The following KIAA0825 variants were observed in gnomAD, a reference collection of about 807,000 sequenced individuals.
KIAA0825 encodes the protein uncharacterized protein KIAA0825.
Under a neutral mutation model 147.6 loss-of-function variants are expected in KIAA0825, and 119 were observed. The ratio of observed to expected loss-of-function variants is 0.81; its 90% CI spans 0.69 to 0.94. The LOEUF is 0.94. KIAA0825 is among the 40% of genes least tolerant of loss of function. The pLI is 0.00. For missense variants in KIAA0825, 1,381 were observed against 1,472.7 expected, an observed-to-expected ratio of 0.94 and a Z score of 1.02; for synonymous variants, 470 against 518.1, an observed-to-expected ratio of 0.91 and a Z score of 1.26.
intron 5 of KIAA0825, among the ~76,000 whole-genome samples, chr5:94,497,135 G>C (rs892549109): frequency 8.5e-5 from 13 of 152,140 alleles, no homozygotes; most frequent in African/African-American, 2.9e-4. Context: ...GGAAACTGAA[G>C]GTCAGAAAAA....
intron 20 of KIAA0825, among the ~76,000 whole-genome samples, chr5:94,290,066 T>G (rs1241793945): frequency 1.3e-5 from 2 of 152,036 alleles, no homozygotes; most frequent in Non-Finnish European, 2.9e-5. Context: ...ATGAACAAAT[T>G]TAATTGAATA....
intron 20 of KIAA0825, among the ~76,000 whole-genome samples, chr5:94,293,755 TG>T (rs1443868417): frequency 6.6e-6 from 1 of 152,174 alleles, no homozygotes; most frequent in Non-Finnish European, 1.5e-5. Flanking sequence ...TAAGTCTCTT[TG>T]TAGGTCTCTA....
At chr5:94,557,470 T>C (rs1776758116) in intron 2 of KIAA0825, among the ~76,000 whole-genome samples, 1 of 151,458 alleles carries the variant, frequency 6.6e-6, no homozygotes, top group Non-Finnish European at 1.5e-5. Flanking sequence ...TCCATTTCTG[T>C]GTGATGGGAT....
At chr5:94,569,858 T>C (rs985103104) in intron 2 of KIAA0825, 1 of 168,876 alleles carries the variant, frequency 5.9e-6, no homozygotes, top group African/African-American at 2.4e-5. Flanking sequence ...CTATGGCTCA[T>C]TCCTCTACCT....
intron 6 of KIAA0825, among the ~76,000 whole-genome samples, chr5:94,477,652 A>G (rs1762042498): frequency 6.6e-6 from 1 of 152,196 alleles, no homozygotes; most frequent in Non-Finnish European, 1.5e-5. Context: ...AACTTCAAAC[A>G]AAGAAGAAAA....
At chr5:94,513,941 T>C (rs1766854820) in intron 5 of KIAA0825, among the ~76,000 whole-genome samples, 1 of 152,162 alleles carries the variant, frequency 6.6e-6, no homozygotes, top group Non-Finnish European at 1.5e-5. Context: ...GCTTCTTGTC[T>C]AATCTTAATT....
chr5:94,399,173 T>C (rs978985366), intron 16 of KIAA0825, among the ~76,000 whole-genome samples: 1 of 152,136 alleles, frequency 6.6e-6, no homozygotes, highest in African/African-American at 2.4e-5. Context: ...TGTGTTTAGG[T>C]GAGGCTTAAC....
chr5:94,466,663 G>A (rs750750369), intron 10 of KIAA0825, among the ~76,000 whole-genome samples: 1 of 150,576 alleles, frequency 6.6e-6, no homozygotes, highest in Non-Finnish European at 1.5e-5. Context: ...AGTGAACCCG[G>A]GAGGCAGAGC....
At chr5:94,584,774 T>C (rs1435613231) in intron 1 of KIAA0825, among the ~76,000 whole-genome samples, 1 of 152,112 alleles carries the variant, frequency 6.6e-6, no homozygotes, top group Non-Finnish European at 1.5e-5. Flanking sequence ...GAAAAAATGT[T>C]AAGGACAGCC....
chr5:94,220,993 T>C (rs1390986500), intron 20 of KIAA0825, among the ~76,000 whole-genome samples: 2 of 152,328 alleles, frequency 1.3e-5, no homozygotes, highest in African/African-American at 2.4e-5. Context: ...TTTTGTGATG[T>C]TTTACATGTC....
intron 3 of KIAA0825, among the ~76,000 whole-genome samples, chr5:94,526,377 A>G (rs1480424499): frequency 6.6e-6 from 1 of 151,990 alleles, no homozygotes; most frequent in East Asian, 1.9e-4. Context: ...AGGTACACAG[A>G]GAGCTTTAGC....
chr5:94,472,787 G>T (rs1761388880), intron 8 of KIAA0825, among the ~76,000 whole-genome samples: 1 of 151,980 alleles, frequency 6.6e-6, no homozygotes, highest in Admixed American at 6.6e-5. Flanking sequence ...CCAATCATAG[G>T]TTGCTGAAAT....
At chr5:94,549,706 G>C (rs1053486177) in intron 2 of KIAA0825, among the ~76,000 whole-genome samples, 72 of 152,110 alleles carry the variant, frequency 4.7e-4, no homozygotes, top group Non-Finnish European at 1.0e-4. Context: ...CACAGAGTGA[G>C]ACTCCATCTC....
Position 94,520,698 on chromosome 5 carries a change from T to A in KIAA0825, c.520A>T (p.Ser174Cys). 6.2e-7 allele frequency: 1 copy of A among 1,613,440 alleles called. No homozygotes were observed. The highest frequency in any genetic ancestry group is 8.5e-7 in the Non-Finnish European group (1 of 1,179,500). Residue 174 changes from serine (S) to cysteine (C), a missense_variant, in exon 5 of 21, where the codon AGC (serine) becomes TGC (cysteine). Transcript: ENST00000682413. ...ATTTCATTATGGCTTTGTAATTTGC[T>A]CACTAAGAAGCGTCGAAGATGCAGT... The part of the protein sequence containing the change: ...IRLHLRRFLV[S>C]KLQSHNEINN...
At chr5:94,220,578 T>C (rs994955251) in intron 20 of KIAA0825, among the ~76,000 whole-genome samples, 1 of 152,230 alleles carries the variant, frequency 6.6e-6, no homozygotes, top group Non-Finnish European at 1.5e-5. Context: ...TACCACTTTA[T>C]GACAGCTATG....
In KIAA0825 at chr5:94,396,204, T is replaced by C; in HGVS notation, c.3193A>G (p.Ile1065Val). 1 of 1,551,536 alleles carries C rather than the reference T, an allele frequency of 6.4e-7. No homozygotes were observed. Among genetic ancestry groups the C allele is most frequent in the Non-Finnish European group, 8.7e-7 (1 of 1,146,912 alleles). The change falls in exon 17 of 21, where the codon ATC becomes GTC. Residue 1065 changes from isoleucine to valine, a missense_variant. Coordinates refer to ENST00000682413, the MANE Select transcript of KIAA0825 (RefSeq NM_001145678.3). The stretch of plus-strand genomic sequence containing the variant: ...ACCTTTTGGATCATTTGATTATGGA[T>C]ACTTGTCTGGTCTCCCATGATGCTT... Reference protein sequence around the residue: ...LKSIMGDQTSIHNQMIQKVIQ... With the variant: ...LKSIMGDQTSVHNQMIQKVIQ...
At chr5:94,546,578 A>G (rs1217916659) in intron 2 of KIAA0825, among the ~76,000 whole-genome samples, 1 of 151,950 alleles carries the variant, frequency 6.6e-6, no homozygotes, top group Admixed American at 6.5e-5. Flanking sequence ...GGAGGAGAAC[A>G]TGAGTCTCTG....
intron 20 of KIAA0825, among the ~76,000 whole-genome samples, chr5:94,305,879 A>G (rs1252431213): frequency 6.6e-6 from 1 of 151,956 alleles, no homozygotes. Flanking sequence ...CAGAGCTAGC[A>G]TCTAACTCGC....
In KIAA0825 at chr5:94,400,530, T is replaced by C. The variant is rs188930449; in HGVS notation, c.2887+3039A>G. On this transcript the variant is annotated intron_variant, in intron 16 of 20. Coordinates refer to ENST00000682413, the MANE Select transcript of KIAA0825 (RefSeq NM_001145678.3). ...TGCTGCTTGCTATTTCTGTTTCCTC[T>C]CTCTAGAATTCATTGTTTCCATTAA... Among the ~76,000 whole-genome samples the C allele has an allele frequency of 1.1e-3, 164 of 152,208 alleles. 1 individual carries two copies. The highest frequency in any genetic ancestry group is 3.9e-3 in the African/African-American group (160 of 41,552).
Sources: allele counts gnomAD v4.1 joint callset (sites outside exome capture counted in the v4.1 genomes callset), GRCh38; gene constraint gnomAD v4.1.1; transcripts MANE v1.5; gene names NCBI Gene and HGNC (gene_info 2026-07-23, HGNC 2026-07-21).